Variants in RARS1 observed in about 807,000 individuals in gnomAD.
The protein encoded by RARS1 is arginine--tRNA ligase, cytoplasmic.
A neutral mutation model predicts 78.7 loss-of-function variants in RARS1; 75 were observed. That is an observed-to-expected ratio of 0.95 (90% CI 0.79 to 1.15). The LOEUF (loss-of-function observed/expected upper bound fraction) is 1.15. Among genes scored for constraint, RARS1 ranks in the 50% most tolerant of loss-of-function variants. The pLI, the probability that RARS1 is intolerant of heterozygous loss-of-function variation, is 0.00. For missense variants in RARS1, 787 were observed against 787.5 expected (o/e 1.00, Z 0.01); for synonymous variants, 273 against 268.2 (o/e 1.02, Z -0.18).
intron 11 of RARS1, among the ~76,000 whole-genome samples, chr5:168,509,091 C>T (rs1025271278): frequency 2.6e-5 from 4 of 151,838 alleles, no homozygotes; most frequent in African/African-American, 9.7e-5. Context: ...TCATGGCAGG[C>T]GCAGGTAGGG....
chr5:168,488,883 CT>C, intron 2 of RARS1, 147 bp downstream of exon 2: 1 of 939,670 alleles, frequency 1.1e-6, no homozygotes, highest in Non-Finnish European at 1.5e-6. Context: ...CATTAGACAA[CT>C]TAGGACTGAG....
In RARS1 at chr5:168,500,446, C is replaced by T. The variant is rs190580073; in HGVS notation, c.823-145C>T. 1.3e-4 allele frequency: 98 copies of T among 765,502 alleles called. No homozygotes were observed. The Admixed American group carries it at 4.1e-3, about 32-fold the overall frequency. 47.4% of individuals were successfully genotyped at this position (765,502 alleles called of 1,614,324 possible). ...TGGCATGTTCATTTGTAACAGTATT[C>T]TCAACTATTGAGGGAGAGCACTTGT... On this transcript the variant is annotated intron_variant, in intron 7 of 14. Coordinates refer to ENST00000231572, the MANE Select transcript of RARS1 (RefSeq NM_002887.4).
In RARS1 at chr5:168,511,190, GA is replaced by G. The variant is rs1188563446; in HGVS notation, c.1452+509del. Among the ~76,000 whole-genome samples, 272 of 144,212 alleles carry G rather than the reference GA, an allele frequency of 1.9e-3. 1 individual carries two copies. The highest frequency in any genetic ancestry group is 6.7e-3 in the African/African-American group (256 of 37,980). The allele number at this position is 144,212 out of a possible 152,430, so 94.6% of individuals were successfully genotyped here. A position where few individuals can be genotyped will look rare whatever the true frequency, so the allele number is the denominator to read the frequency against. ...TTTGGAGGAATTGAAAAGTCAACAAGAAAAATTTTTTTTTTTTTTTTTTAAG... is the reference window on the plus strand; with the variant it reads ...TTTGGAGGAATTGAAAAGTCAACAAGAAAATTTTTTTTTTTTTTTTTTAAG... On this transcript the variant is annotated intron_variant, in intron 12 of 14. Coordinates refer to ENST00000231572, the MANE Select transcript of RARS1 (RefSeq NM_002887.4).
chr5:168,506,293 A>G lies in RARS1; in HGVS notation c.1236+94A>G, dbSNP rs1455913072. On this transcript the variant is annotated intron_variant, in intron 10 of 14. Coordinates refer to ENST00000231572, the MANE Select transcript of RARS1 (RefSeq NM_002887.4). ...GACATCTGACACTGGATGACTGTAA[A>G]TTTTCCCCAAAGACTAAGATTCAGG... is the stretch of plus-strand genomic sequence containing the variant. 3 of 1,073,044 alleles carry G rather than the reference A, an allele frequency of 2.8e-6. No homozygotes were observed. The East Asian group carries it at 7.7e-5, about 28-fold the overall frequency. 66.5% of individuals were successfully genotyped at this position (1,073,044 alleles called of 1,614,324 possible).
chr5:168,514,603 T>C (rs1236213876), intron 12 of RARS1, among the ~76,000 whole-genome samples: 2 of 152,250 alleles, frequency 1.3e-5, no homozygotes, highest in Non-Finnish European at 2.9e-5. Context: ...AAGAATTTTG[T>C]ATCTTTCATT....
At chr5:168,501,500 A>T (rs111744682) in intron 8 of RARS1, among the ~76,000 whole-genome samples, 3,069 of 152,302 alleles carry the variant, frequency 0.02, 94 homozygotes, top group African/African-American at 0.07. Context: ...AGGCGGGTGG[A>T]TCACCTGAGA....
intron 12 of RARS1, among the ~76,000 whole-genome samples, chr5:168,511,705 T>A (rs1758566815): frequency 6.6e-6 from 1 of 152,168 alleles, no homozygotes; most frequent in Non-Finnish European, 1.5e-5. Flanking sequence ...CCTAATGAAT[T>A]TTTACATATA....
At chr5:168,512,102 T>G (rs1156893158) in intron 12 of RARS1, among the ~76,000 whole-genome samples, 1 of 151,680 alleles carries the variant, frequency 6.6e-6, no homozygotes, top group Non-Finnish European at 1.5e-5. Flanking sequence ...CCACTCACCT[T>G]GCCGTCCCAA....
intron 12 of RARS1, among the ~76,000 whole-genome samples, chr5:168,512,109 C>G (rs981465752): frequency 6.6e-6 from 1 of 151,434 alleles, no homozygotes; most frequent in Non-Finnish European, 1.5e-5. Flanking sequence ...CCTTGCCGTC[C>G]CAAAGTGCTA....
intron 12 of RARS1, among the ~76,000 whole-genome samples, chr5:168,511,138 A>G (rs543239565): frequency 3.0e-4 from 45 of 152,320 alleles, no homozygotes; most frequent in Middle Eastern, 3.4e-3. Context: ...CACCCTTAGA[A>G]AAGACTATGG....
chr5:168,502,257 C>A, intron 9 of RARS1, 152 bp downstream of exon 9: 1 of 1,128,664 alleles, frequency 8.9e-7, no homozygotes, highest in Non-Finnish European at 1.1e-6. Flanking sequence ...TACCTTCTTA[C>A]ACTGCTTCCC....
intron 5 of RARS1, chr5:168,495,002 A>ATT (rs35237798): frequency 3.6e-4 from 93 of 259,004 alleles, no homozygotes; most frequent in East Asian, 1.6e-3. Context: ...ATGTTGTGTG[A>ATT]TTTTTTTTTT....
chr5:168,505,259 A>G (rs540648906), intron 9 of RARS1, among the ~76,000 whole-genome samples: 35 of 122,972 alleles, frequency 2.8e-4, no homozygotes, highest in Middle Eastern at 3.9e-3. Context: ...GACTTAGCAT[A>G]GTACTTGGCA....
At chr5:168,491,827 A>T (rs953897446) in intron 2 of RARS1, among the ~76,000 whole-genome samples, 6 of 152,232 alleles carry the variant, frequency 3.9e-5, no homozygotes, top group African/African-American at 1.4e-4. Flanking sequence ...ATTTTGATGA[A>T]TATAAATTTG....
At chr5:168,500,566 C>T (rs983491763) in intron 7 of RARS1, 25 bp from the exon 8 acceptor site, 4 of 1,426,458 alleles carry the variant, frequency 2.8e-6, no homozygotes, top group Non-Finnish European at 2.7e-6. Flanking sequence ...ACACACCTTA[C>T]TTTTTAAAAT....
In RARS1 at chr5:168,519,077, T is replaced by A. The variant is rs776624037; in HGVS notation, c.1874-4T>A. The A allele has an allele frequency of 1.9e-6, 3 of 1,601,446 alleles. No homozygotes were observed. The South Asian group carries it at 3.4e-5, about 18-fold the overall frequency. ...TAATTAACAACTTTTTTCTATCTTT[T>A]CAGGAAAAATATTGAAGGTGAACAT... On this transcript the variant is annotated splice_polypyrimidine_tract_variant and splice_region_variant and intron_variant, in intron 14 of 14. Transcript: ENST00000231572.
At chr5:168,506,858 A>G in intron 11 of RARS1, 27 bp downstream of exon 11, 1 of 1,517,784 alleles carries the variant, frequency 6.6e-7, no homozygotes, top group Non-Finnish European at 9.1e-7. Context: ...TGAAGATGGT[A>G]ATGATATACT....
intron 12 of RARS1, among the ~76,000 whole-genome samples, chr5:168,511,462 C>G (rs1466111332): frequency 2.6e-5 from 4 of 151,996 alleles, no homozygotes; most frequent in African/African-American, 9.7e-5. Context: ...ATGACCAGAT[C>G]TCACAACAAC....
intron 2 of RARS1, among the ~76,000 whole-genome samples, chr5:168,489,921 T>G (rs1758047864): frequency 6.6e-6 from 1 of 151,866 alleles, no homozygotes; most frequent in Non-Finnish European, 1.5e-5. Context: ...TTCAAGCAAT[T>G]CTCCTGCCTC....
Sources: gnomAD v4.1 joint callset for allele counts (sites outside exome capture counted in the v4.1 genomes callset) on GRCh38, gnomAD v4.1.1 for gene constraint, MANE v1.5 for transcripts, NCBI Gene and HGNC (gene_info 2026-07-23, HGNC 2026-07-21) for gene names.